The following SUPT16H variants were observed in gnomAD, a reference collection of about 807,000 sequenced individuals.
SUPT16H encodes the protein SPT16 homolog, facilitates chromatin remodeling subunit.
A neutral mutation model predicts 136.2 loss-of-function variants in SUPT16H; 24 were observed. The observed-to-expected ratio is 0.18, with a 90% CI of 0.13 to 0.25. The LOEUF (loss-of-function observed/expected upper bound fraction) is 0.25. Among genes scored for constraint, SUPT16H ranks in the 10% least tolerant of loss-of-function variants. The pLI, the probability that SUPT16H is intolerant of heterozygous loss-of-function variation, is 1.00. For synonymous variants in SUPT16H, 415 were observed against 428.2 expected (o/e 0.97, Z 0.38); for missense variants, 623 against 1,270.2 (o/e 0.49, Z 7.74).
rs752069466 is a variant in SUPT16H at position 21,362,951 on chromosome 14, G to A, written c.1512-4C>T. On this transcript the variant is annotated splice_polypyrimidine_tract_variant and splice_region_variant and intron_variant, in intron 13 of 25. Coordinates refer to ENST00000216297, the MANE Select transcript of SUPT16H (RefSeq NM_007192.4). ...GGACACATTAGACTTGCGAGCTCTG[G>A]AGTGGGATAAAAAAACAACTGAGAA... 77 of 1,613,256 alleles carry A rather than the reference G, an allele frequency of 4.8e-5. No homozygotes were observed. The South Asian group carries it at 8.1e-4, about 17-fold the overall frequency.
rs563366866 is a variant in SUPT16H, at chr14:21,371,280, T to G, written c.330+594A>C. Among the ~76,000 whole-genome samples, 9 of 152,262 alleles carry G rather than the reference T, an allele frequency of 5.9e-5. No homozygotes were observed. In the East Asian group the frequency reaches 1.6e-3, roughly 26 times the overall value. ...ACTCAGGTGAAAGTGCTGCCGTAAG[T>G]TGACCAGACTATTCCTTTTTTTAAG... is the stretch of plus-strand genomic sequence containing the variant. On this transcript the variant is annotated intron_variant, in intron 3 of 25. Coordinates refer to ENST00000216297, the MANE Select transcript of SUPT16H (RefSeq NM_007192.4).
chr14:21,369,769 T>G lies in SUPT16H; in HGVS notation c.611A>C (p.Glu204Ala). 1 of 1,614,044 alleles carries G rather than the reference T, an allele frequency of 6.2e-7. No homozygotes were observed. The highest frequency in any genetic ancestry group is 8.5e-7 in the Non-Finnish European group (1 of 1,179,930). Residue 204 changes from glutamate to alanine, a missense_variant, in exon 5 of 26, where the codon GAA (glutamate) becomes GCA (alanine). Glu to Ala is a moderately radical substitution (Grantham distance 107). Transcript: ENST00000216297. ...FNKFFKERVM[E>A]IVDADEKVRH... is the part of the protein sequence containing the mutation. ...ATTTACCTCATCTGCATCAACTATT[T>G]CCATGACTCTTTCCTTGAAGAATTT...
intron 1 of SUPT16H, among the ~76,000 whole-genome samples, chr14:21,381,773 T>C (rs1008268): frequency 0.89 from 132,379 of 149,264 alleles, 58,950 homozygotes; most frequent in Middle Eastern, 0.94. Flanking sequence ...CCATGCCTGG[T>C]TAATTTATTT....
chr14:21,375,016 C>CT (rs990566718), intron 1 of SUPT16H, among the ~76,000 whole-genome samples: 85 of 149,310 alleles, frequency 5.7e-4, no homozygotes, highest in African/African-American at 1.4e-3. Flanking sequence ...TAGTATCCTG[C>CT]TTTTTTTTTT....
chr14:21,352,891 T>C, intron 25 of SUPT16H, 73 bp from the exon 26 acceptor site: 2 of 1,597,768 alleles, frequency 1.3e-6, no homozygotes, highest in Admixed American at 1.7e-5. Context: ...TAGCATGAGA[T>C]AGTACAGAGA....
In SUPT16H at chr14:21,380,967, TG is replaced by T. The variant is rs146399746; in HGVS notation, c.66+2894del. Among the ~76,000 whole-genome samples the T allele has an allele frequency of 5.9e-3, 899 of 151,626 alleles. 11 individuals carry two copies. The highest frequency in any genetic ancestry group is 0.021 in the African/African-American group (865 of 41,286). ...GTAGGCATAAGAGGACAAAGAAACA[TG>T]CAGCCCATTTCCAGGAACCACCACT... is the stretch of plus-strand genomic sequence containing the variant. On this transcript the variant is annotated intron_variant, in intron 1 of 25. Transcript: ENST00000216297.
chr14:21,382,194 A>G (rs1413576509), intron 1 of SUPT16H, among the ~76,000 whole-genome samples: 1 of 152,224 alleles, frequency 6.6e-6, no homozygotes, highest in Admixed American at 6.5e-5. Context: ...AGTTTTTCAT[A>G]ATAGCCACAG....
intron 15 of SUPT16H, 98 bp from the exon 16 acceptor site, chr14:21,361,311 CTTTTTTTT>C (rs35486887): frequency 3.8e-4 from 176 of 462,100 alleles, no homozygotes; most frequent in African/African-American, 6.9e-4. Context: ...CTCTACTTTG[CTTTTTTTT>C]TTTTTTTTTT....
chr14:21,375,353 G>A (rs1260838678), intron 1 of SUPT16H, among the ~76,000 whole-genome samples: 1 of 152,112 alleles, frequency 6.6e-6, no homozygotes, highest in Non-Finnish European at 1.5e-5. Context: ...GATAGCTAAT[G>A]ACGCTGAGCA....
At chr14:21,360,703 C>G in intron 17 of SUPT16H, 143 bp downstream of exon 17, 1 of 1,329,474 alleles carries the variant, frequency 7.5e-7, no homozygotes, top group South Asian at 1.4e-5. Flanking sequence ...CCAGCATTTC[C>G]TTGTCATACT....
intron 22 of SUPT16H, among the ~76,000 whole-genome samples, chr14:21,356,455 A>C (rs1197498073): frequency 6.6e-6 from 1 of 152,186 alleles, no homozygotes; most frequent in Non-Finnish European, 1.5e-5. Context: ...AATTACTTGG[A>C]AGTTTTTGAG....
intron 1 of SUPT16H, among the ~76,000 whole-genome samples, chr14:21,379,495 TAAA>T: frequency 6.6e-6 from 1 of 151,478 alleles, no homozygotes. Flanking sequence ...AAGCAATATT[TAAA>T]AAAAAATCTC....
chr14:21,379,905 CAAACAAAA>C (rs1440728216), intron 1 of SUPT16H, among the ~76,000 whole-genome samples: 1 of 151,330 alleles, frequency 6.6e-6, no homozygotes, highest in African/African-American at 2.4e-5. Context: ...AACAAACAAA[CAAACAAAA>C]AAACCTTTCT....
At chr14:21,381,786 CT>C (rs5807076) in intron 1 of SUPT16H, among the ~76,000 whole-genome samples, 3,413 of 132,350 alleles carry the variant, frequency 0.026, 46 homozygotes, top group African/African-American at 0.034. Context: ...ATTTATTTGC[CT>C]TTTTTTTTTT....
intron 9 of SUPT16H, 43 bp from the exon 10 acceptor site, chr14:21,364,982 TGGA>T (rs752705263): frequency 8.7e-6 from 14 of 1,609,068 alleles, no homozygotes; most frequent in Non-Finnish European, 1.1e-5. Flanking sequence ...TGTGACAATG[TGGA>T]GAGGTGTGAG....
chr14:21,365,169 C>A (rs1566387324), intron 8 of SUPT16H, 26 bp from the exon 9 acceptor site: 2 of 1,600,804 alleles, frequency 1.2e-6, no homozygotes, highest in Admixed American at 1.7e-5. Context: ...TAAACATCAG[C>A]AAAAGGCTAA....
intron 17 of SUPT16H, 141 bp from the exon 18 acceptor site, chr14:21,360,674 C>G: frequency 8.3e-7 from 1 of 1,210,524 alleles, no homozygotes; most frequent in Non-Finnish European, 1.2e-6. Context: ...GGCCACACAG[C>G]AGTGTAAGTA....
Position 21,363,463 on chromosome 14 carries a change from A to C in SUPT16H, c.1274T>G (p.Val425Gly). ...CTTTAGGAAAATCCCCACATTCTTC[A>C]CTTTCTTCTTCACAGAAGTGAGAAC... ...ATVLTSVKKKVKNVGIFLKNE... is the reference protein window; with the variant it reads ...ATVLTSVKKKGKNVGIFLKNE... Residue 425 changes from valine (V) to glycine (G), a missense_variant, in exon 11 of 26, where the codon GTG becomes GGG. Physicochemically the swap from Val to Gly is moderately radical, Grantham distance 109. Coordinates refer to ENST00000216297, the MANE Select transcript of SUPT16H (RefSeq NM_007192.4). 6.2e-7 allele frequency: 1 copy of C among 1,613,842 alleles called. No homozygotes were observed. The highest frequency in any genetic ancestry group is 8.5e-7 in the Non-Finnish European group (1 of 1,179,920).
intron 4 of SUPT16H, among the ~76,000 whole-genome samples, chr14:21,370,135 C>G (rs1036143443): frequency 1.3e-5 from 2 of 152,066 alleles, no homozygotes; most frequent in Non-Finnish European, 2.9e-5. Context: ...TGTAAACTGC[C>G]CTCTAGACGT....
Sources: allele counts gnomAD v4.1 joint callset (sites outside exome capture counted in the v4.1 genomes callset), GRCh38; gene constraint gnomAD v4.1.1; transcripts MANE v1.5; gene names NCBI Gene and HGNC (gene_info 2026-07-23, HGNC 2026-07-21).